Variants in SASH1 observed in about 807,000 individuals in gnomAD.
SASH1 encodes the protein SAM and SH3 domain-containing protein 1.
Under a neutral mutation model 125.2 loss-of-function variants are expected in SASH1, and 44 were observed. That is an observed-to-expected ratio of 0.35 (90% CI 0.28 to 0.45). The LOEUF (loss-of-function observed/expected upper bound fraction) is 0.45. Ranked by LOEUF, SASH1 falls within the 20% of genes least tolerant of loss-of-function variation. The probability of loss-of-function intolerance (pLI) is 1.00; values close to 1 mark genes in which losing one functional copy is unlikely to be tolerated. For synonymous variants in SASH1, 639 were observed against 649.1 expected (o/e 0.98, Z 0.24); for missense variants, 1,426 against 1,614.5 (o/e 0.88, Z 2.00).
the SASH1 span, among the ~76,000 whole-genome samples, chr6:148,235,529 G>A: frequency 2.6e-5 from 4 of 151,954 alleles, no homozygotes; most frequent in South Asian, 2.1e-4. Context: ...GTATTTGTGC[G>A]TGGTTTTACA....
chr6:148,320,682 TTCTCCCACTTGTATTGG>T (rs1257847510), intron 1 of SASH1, among the ~76,000 whole-genome samples: 1 of 152,226 alleles, frequency 6.6e-6, no homozygotes, highest in Non-Finnish European at 1.5e-5. Context: ...GGTTCAGCCA[TTCTCCCACTTGTATTGG>T]TCTGGAACTC....
At chr6:148,248,759 G>A in the SASH1 span, among the ~76,000 whole-genome samples, 1 of 152,196 alleles carries the variant, frequency 6.6e-6, no homozygotes, top group Non-Finnish European at 1.5e-5. Flanking sequence ...CATATGATTT[G>A]TAGCTGTGTT....
intron 1 of SASH1, among the ~76,000 whole-genome samples, chr6:148,309,481 C>T (rs6907232): frequency 0.27 from 40,627 of 151,900 alleles, 5,620 homozygotes; most frequent in South Asian, 0.35. Flanking sequence ...CACCCATATC[C>T]ACCCACTAGT....
At chr6:148,406,376 A>G (rs1185315350) in intron 2 of SASH1, among the ~76,000 whole-genome samples, 4 of 152,228 alleles carry the variant, frequency 2.6e-5, no homozygotes, top group African/African-American at 7.2e-5. Context: ...AGCAGTTGGA[A>G]TATGTTTAAT....
At chr6:148,392,281 T>G (rs1783760475) in intron 2 of SASH1, among the ~76,000 whole-genome samples, 1 of 131,536 alleles carries the variant, frequency 7.6e-6, no homozygotes, top group Admixed American at 7.8e-5. Context: ...AGTGAAACTC[T>G]GTCTCAAAAA....
At chr6:148,263,896 A>T in the SASH1 span, among the ~76,000 whole-genome samples, 2 of 152,200 alleles carry the variant, frequency 1.3e-5, no homozygotes, top group African/African-American at 2.4e-5. Context: ...GTCCGGAGGA[A>T]ATCTGAATGT....
chr6:148,490,363 C>T (rs1046499690), intron 8 of SASH1, among the ~76,000 whole-genome samples: 4 of 152,022 alleles, frequency 2.6e-5, no homozygotes, highest in Admixed American at 2.0e-4. Context: ...TGTGCACTCC[C>T]GCACTCAGCT....
the SASH1 span, among the ~76,000 whole-genome samples, chr6:148,208,970 T>C: frequency 6.6e-6 from 1 of 152,216 alleles, no homozygotes; most frequent in Admixed American, 6.5e-5. Context: ...ATAAGGCCTT[T>C]TTCTGCTGGG....
At chr6:148,513,804 G>C (rs1780283740) in intron 8 of SASH1, 1 of 986,218 alleles carries the variant, frequency 1.0e-6, no homozygotes, top group African/African-American at 1.7e-5. Context: ...TAGCCAATGG[G>C]ATGGAAGAGG....
chr6:148,542,446 G>T (rs1013050456), intron 17 of SASH1, among the ~76,000 whole-genome samples: 3 of 152,098 alleles, frequency 2.0e-5, no homozygotes, highest in African/African-American at 7.2e-5. Context: ...GAGTGCAGTG[G>T]CGCGATCTTG....
intron 1 of SASH1, among the ~76,000 whole-genome samples, chr6:148,375,997 T>G (rs548317299): frequency 6.6e-6 from 1 of 152,138 alleles, no homozygotes; most frequent in Non-Finnish European, 1.5e-5. Flanking sequence ...GAGGGCTAGG[T>G]GTGTTGTGAA....
chr6:148,484,821 T>G (rs1773156641), intron 7 of SASH1, among the ~76,000 whole-genome samples: 1 of 152,064 alleles, frequency 6.6e-6, no homozygotes, highest in African/African-American at 2.4e-5. Context: ...CATGCCCCTG[T>G]AGTCCCAGCT....
chr6:148,281,567 G>A (rs1582911858), intron 1 of SASH1, among the ~76,000 whole-genome samples: 2 of 152,154 alleles, frequency 1.3e-5, no homozygotes, highest in African/African-American at 2.4e-5. Flanking sequence ...GTGTGTCATG[G>A]TTCTGTCAGA....
At position 148,546,683 on chromosome 6, in the gene SASH1, A is replaced by T. The variant is rs138581077; in HGVS notation, c.3480+537A>T. On this transcript the variant is annotated intron_variant, in intron 19 of 19. Coordinates refer to ENST00000367467, the MANE Select transcript of SASH1 (RefSeq NM_015278.5). ...TAGTATATGAGGTAATGCATATGTC[A>T]AATAGCTTGATTTAGCCATTCCACA... Among the ~76,000 whole-genome samples, 201 of 152,306 alleles carry T rather than the reference A, an allele frequency of 1.3e-3. 2 individuals carry two copies. The highest frequency in any genetic ancestry group is 4.7e-3 in the African/African-American group (194 of 41,564).
intron 4 of SASH1, among the ~76,000 whole-genome samples, chr6:148,467,990 A>G (rs1282574736): frequency 6.6e-6 from 1 of 152,180 alleles, no homozygotes; most frequent in African/African-American, 2.4e-5. Context: ...ATTCAGCAGG[A>G]TGGACATTGC....
At chr6:148,510,075 A>C (rs887574212) in intron 8 of SASH1, among the ~76,000 whole-genome samples, 1 of 152,232 alleles carries the variant, frequency 6.6e-6, no homozygotes, top group Non-Finnish European at 1.5e-5. Context: ...TTATGGTTTA[A>C]AACTGTGGAG....
chr6:148,383,858 T>C (rs1241215710), intron 1 of SASH1, among the ~76,000 whole-genome samples: 1 of 152,182 alleles, frequency 6.6e-6, no homozygotes, highest in Non-Finnish European at 1.5e-5. Context: ...TTCTCCTTAA[T>C]TGCAACAGCA....
intron 1 of SASH1, among the ~76,000 whole-genome samples, chr6:148,336,369 G>T (rs1781156097): frequency 6.6e-6 from 1 of 151,636 alleles, no homozygotes; most frequent in Non-Finnish European, 1.5e-5. Context: ...GTAGAAACGG[G>T]GTTTTACCAT....
Position 148,532,960 on chromosome 6 carries a change from G to T in SASH1, c.1728G>T (p.Lys576Asn). The T allele has an allele frequency of 6.2e-7, 1 of 1,613,860 alleles. No homozygotes were observed. Among genetic ancestry groups the T allele is most frequent in the Non-Finnish European group, 8.5e-7 (1 of 1,179,830 alleles). ...TPSPYDTDSL[K>N]LKKGDIIDII... is the part of the protein sequence containing the mutation. ...GTCCCTATGACACAGACTCACTCAA[G>T]CTCAAGGTATCTCTCTCCCTGGCCT... Residue 576 changes from lysine (K) to asparagine (N), a missense_variant, in exon 14 of 20, where the codon AAG (lysine) becomes AAT (asparagine). Transcript: ENST00000367467. This position sits in a 1 kb window ranked among gnomAD's most constrained non-coding sequence, Gnocchi z 4.7.
Sources: gnomAD v4.1 joint callset for allele counts (sites outside exome capture counted in the v4.1 genomes callset) on GRCh38, gnomAD v4.1.1 for gene constraint, Gnocchi (gnomAD v3.1) non-coding constraint, MANE v1.5 for transcripts, NCBI Gene and HGNC (gene_info 2026-07-23, HGNC 2026-07-21) for gene names.